CMSS1: variants seen among roughly 807,000 people sequenced by gnomAD.
CMSS1 encodes protein CMSS1.
In CMSS1, 33 loss-of-function variants were observed where a neutral mutation model predicts 43.5. The observed-to-expected ratio is 0.76, with a 90% CI of 0.57 to 1.01. CMSS1 has a LOEUF of 1.01. CMSS1 is among the 50% of genes least tolerant of loss of function. CMSS1 has a pLI of 0.00. For synonymous variants in CMSS1, 115 were observed against 117.2 expected (o/e 0.98, Z 0.12); for missense variants, 313 against 326.4 (o/e 0.96, Z 0.32).
At chr3:99,906,662 G>A (rs1006461697) in intron 1 of CMSS1, among the ~76,000 whole-genome samples, 4 of 152,210 alleles carry the variant, frequency 2.6e-5, no homozygotes, top group African/African-American at 9.6e-5. Flanking sequence ...GATTGTGGCA[G>A]ACTGAGTTTT....
chr3:99,998,865 G>A (rs374270674), intron 1 of CMSS1, among the ~76,000 whole-genome samples: 2 of 152,084 alleles, frequency 1.3e-5, no homozygotes, highest in East Asian at 1.9e-4. Flanking sequence ...CACCGCGCCC[G>A]GCCATGGTTC....
At chr3:100,076,899 A>C (rs988432874) in intron 1 of CMSS1, among the ~76,000 whole-genome samples, 4 of 152,242 alleles carry the variant, frequency 2.6e-5, no homozygotes, top group African/African-American at 9.6e-5. Flanking sequence ...TGTGTAGTTA[A>C]GGATGCAATA....
intron 1 of CMSS1, among the ~76,000 whole-genome samples, chr3:99,890,498 T>A (rs531745717): frequency 6.6e-6 from 1 of 152,254 alleles, no homozygotes; most frequent in Admixed American, 6.5e-5. Flanking sequence ...TAGACACATG[T>A]TAGACTTTCT....
chr3:100,092,159 C>T (rs982867671), intron 1 of CMSS1, among the ~76,000 whole-genome samples: 1 of 152,146 alleles, frequency 6.6e-6, no homozygotes, highest in African/African-American at 2.4e-5. Flanking sequence ...GGATCTAAAA[C>T]TTTTTATCAT....
intron 1 of CMSS1, among the ~76,000 whole-genome samples, chr3:100,028,912 C>T (rs1438830506): frequency 1.3e-5 from 2 of 152,302 alleles, no homozygotes; most frequent in East Asian, 3.9e-4. Flanking sequence ...AAGACACACA[C>T]ACACATATAA....
At chr3:100,130,765 G>T (rs937294523) in intron 1 of CMSS1, among the ~76,000 whole-genome samples, 3 of 152,224 alleles carry the variant, frequency 2.0e-5, no homozygotes, top group Non-Finnish European at 4.4e-5. Flanking sequence ...TGGCCCACAA[G>T]CTTAAAGTAT....
chr3:99,902,827 T>A (rs1414853658), intron 1 of CMSS1, among the ~76,000 whole-genome samples: 1 of 152,208 alleles, frequency 6.6e-6, no homozygotes, highest in African/African-American at 2.4e-5. Flanking sequence ...ATGGGGTAAC[T>A]TCCATGTGAA....
chr3:100,082,231 A>G (rs1296232215), intron 1 of CMSS1, among the ~76,000 whole-genome samples: 2 of 152,242 alleles, frequency 1.3e-5, no homozygotes, highest in Non-Finnish European at 2.9e-5. Context: ...TGCTGCATAG[A>G]ATTCATAGAA....
intron 1 of CMSS1, among the ~76,000 whole-genome samples, chr3:100,118,716 G>A (rs539187654): frequency 3.4e-4 from 51 of 152,214 alleles, no homozygotes; most frequent in African/African-American, 1.2e-3. Flanking sequence ...TGACCCCTAG[G>A]ACAGAAACTC....
At chr3:99,841,776 C>T (rs968218539) in intron 1 of CMSS1, among the ~76,000 whole-genome samples, 6 of 152,116 alleles carry the variant, frequency 3.9e-5, no homozygotes, top group African/African-American at 1.4e-4. Flanking sequence ...ATCAAAACCA[C>T]AGTGCAATAC....
chr3:99,912,888 T>G (rs1305450670), intron 1 of CMSS1, among the ~76,000 whole-genome samples: 1 of 152,224 alleles, frequency 6.6e-6, no homozygotes, highest in East Asian at 1.9e-4. Flanking sequence ...TGCTGAGTTG[T>G]ATGGTAACTG....
At chr3:100,065,130 A>G (rs765109106) in intron 1 of CMSS1, among the ~76,000 whole-genome samples, 5 of 152,176 alleles carry the variant, frequency 3.3e-5, no homozygotes, top group Non-Finnish European at 7.3e-5. Context: ...TATAATTAAT[A>G]TATACACTGG....
intron 1 of CMSS1, among the ~76,000 whole-genome samples, chr3:100,115,575 G>GTCTCTCTC (rs66793218): frequency 2.1e-4 from 21 of 98,014 alleles, no homozygotes; most frequent in East Asian, 1.2e-3. Flanking sequence ...CTCTCTCTCT[G>GTCTCTCTC]TCTCTCTCTC....
intron 1 of CMSS1, among the ~76,000 whole-genome samples, chr3:100,130,922 G>T (rs1336768167): frequency 6.6e-6 from 1 of 152,192 alleles, no homozygotes; most frequent in Non-Finnish European, 1.5e-5. Context: ...ATAAGAAAGT[G>T]CATGAAGTGA....
intron 1 of CMSS1, among the ~76,000 whole-genome samples, chr3:100,118,907 G>T (rs886160213): frequency 6.6e-6 from 1 of 152,262 alleles, no homozygotes. Context: ...CCACTGACAG[G>T]TGACCAAGCA....
At chr3:100,001,480 A>T (rs1709840722) in intron 1 of CMSS1, among the ~76,000 whole-genome samples, 1 of 152,158 alleles carries the variant, frequency 6.6e-6, no homozygotes, top group Admixed American at 6.5e-5. Context: ...GAACAACCCA[A>T]CTGAGCCCAG....
intron 1 of CMSS1, among the ~76,000 whole-genome samples, chr3:99,956,677 C>G (rs1049976939): frequency 1.3e-5 from 2 of 152,190 alleles, no homozygotes; most frequent in African/African-American, 4.8e-5. Context: ...TCATAAGCAT[C>G]GCCTCTTAAA....
At position 99,924,290 on chromosome 3, in the gene CMSS1, T is replaced by A. The variant is rs372255083; in HGVS notation, c.64+106247T>A. 170 of 1,614,046 alleles carry A rather than the reference T, an allele frequency of 1.1e-4. No homozygotes were observed. The highest frequency in any genetic ancestry group is 1.3e-4 in the Non-Finnish European group (157 of 1,180,002). On this transcript the variant is annotated intron_variant, in intron 1 of 9. Transcript: ENST00000421999. ...ATCACTCTTCTCCATGTATTCTTTA[T>A]GTTTTCTCTTTTCTTCCTCCAACTC...
At chr3:99,818,340 A>G (rs1347161791) in intron 1 of CMSS1, among the ~76,000 whole-genome samples, 1 of 152,176 alleles carries the variant, frequency 6.6e-6, no homozygotes, top group African/African-American at 2.4e-5. Flanking sequence ...GCAACTTTGT[A>G]TGATGGTTAA....
Sources: allele counts gnomAD v4.1 joint callset (sites outside exome capture counted in the v4.1 genomes callset), GRCh38; gene constraint gnomAD v4.1.1; transcripts MANE v1.5; gene names NCBI Gene and HGNC (gene_info 2026-07-23, HGNC 2026-07-21).